The following ATP11B variants were observed in gnomAD, a reference collection of about 807,000 sequenced individuals.
The protein encoded by ATP11B is ATPase phospholipid transporting 11B (putative).
Under a neutral mutation model 157.8 loss-of-function variants are expected in ATP11B, and 81 were observed. The ratio of observed to expected loss-of-function variants is 0.51; its 90% confidence interval spans 0.43 to 0.62. The LOEUF is 0.62. Among genes scored for constraint, ATP11B ranks in the 20% least tolerant of loss-of-function variants. The pLI is 0.00. For synonymous variants in ATP11B, 451 were observed against 469.4 expected (o/e 0.96, Z 0.51); for missense variants, 1,165 against 1,402.2 (o/e 0.83, Z 2.70).
chr3:182,838,093 G>T (rs1206093705), intron 7 of ATP11B, among the ~76,000 whole-genome samples: 1 of 151,886 alleles, frequency 6.6e-6, no homozygotes, highest in Non-Finnish European at 1.5e-5. Context: ...CCAAACTTAC[G>T]TATCTTTTTT....
intron 19 of ATP11B, among the ~76,000 whole-genome samples, chr3:182,876,230 A>G (rs1722030836): frequency 1.3e-5 from 2 of 152,312 alleles, no homozygotes; most frequent in South Asian, 4.1e-4. Context: ...TTTAAAAAAT[A>G]TTTTTCTGAT....
At chr3:182,794,055 C>T (rs556285723) in intron 1 of ATP11B, among the ~76,000 whole-genome samples, 4 of 152,324 alleles carry the variant, frequency 2.6e-5, no homozygotes, top group South Asian at 2.1e-4. Flanking sequence ...TACTTCTTCC[C>T]CCTTGCCGCT....
chr3:182,857,399 G>A (rs568350130), intron 10 of ATP11B, among the ~76,000 whole-genome samples: 68 of 152,078 alleles, frequency 4.5e-4, no homozygotes, highest in African/African-American at 1.5e-3. Flanking sequence ...CACCCGCCTC[G>A]GTCTCCCAAA....
intron 28 of ATP11B, among the ~76,000 whole-genome samples, chr3:182,913,191 C>T (rs9864283): frequency 6.6e-6 from 1 of 152,120 alleles, no homozygotes. Flanking sequence ...CTAACTGTTA[C>T]AAAGCAGGAT....
rs1725358557 is a variant in ATP11B at position 182,919,865 on chromosome 3, C to T, written c.*1761C>T. The T allele has an allele frequency of 6.6e-6, 1 of 152,092 alleles. No individual in the cohort carries two copies. The highest frequency in any genetic ancestry group is 1.5e-5 in the Non-Finnish European group (1 of 68,024). 9.4% of individuals were successfully genotyped at this position (152,092 alleles called of 1,614,324 possible). On this transcript the variant is annotated 3_prime_UTR_variant, in exon 30 of 30. Coordinates refer to ENST00000323116, the MANE Select transcript of ATP11B (RefSeq NM_014616.3). ...CTTCTTTAACTTAGATATTTCATAG[C>T]TGGATTTAGGAAGATCTGTTATTCT... is the stretch of plus-strand genomic sequence containing the variant.
At chr3:182,862,727 A>G (rs1560095580) in intron 12 of ATP11B, among the ~76,000 whole-genome samples, 4 of 151,938 alleles carry the variant, frequency 2.6e-5, no homozygotes. Flanking sequence ...TACATCAGTT[A>G]CCACTCATTC....
At position 182,867,458 on chromosome 3, in the gene ATP11B, A is replaced by C. The variant is rs758505468; in HGVS notation, c.1688+14A>C. 2 of 1,538,100 alleles carry C rather than the reference A, an allele frequency of 1.3e-6. No individual in the cohort carries two copies. Among genetic ancestry groups the C allele is most frequent in the South Asian group, 2.2e-5 (2 of 89,452 alleles). On this transcript the variant is annotated intron_variant, in intron 15 of 29. Coordinates refer to ENST00000323116, the MANE Select transcript of ATP11B (RefSeq NM_014616.3). ...AAAACTGGAACGGTAATTTTTTTTC[A>C]TATATTGGAATGTTTTCTGTGTTAA... is the stretch of plus-strand genomic sequence containing the variant.
chr3:182,820,997 G>A (rs902493986), intron 2 of ATP11B, among the ~76,000 whole-genome samples: 7 of 152,138 alleles, frequency 4.6e-5, no homozygotes, highest in African/African-American at 1.4e-4. Context: ...ATTTTACAAA[G>A]CAGTGTTATA....
At chr3:182,893,421 A>G (rs932445066) in intron 25 of ATP11B, among the ~76,000 whole-genome samples, 13 of 152,032 alleles carry the variant, frequency 8.6e-5, no homozygotes, top group African/African-American at 1.2e-4. Context: ...GCTTCCACTT[A>G]TGAGTGAGAA....
At chr3:182,810,376 G>T (rs191954025) in intron 1 of ATP11B, among the ~76,000 whole-genome samples, 2 of 152,164 alleles carry the variant, frequency 1.3e-5, no homozygotes, top group Non-Finnish European at 2.9e-5. Flanking sequence ...GTGTGATCCA[G>T]TGATGCTAAG....
chr3:182,818,927 A>G (rs1717137694), intron 1 of ATP11B, among the ~76,000 whole-genome samples: 3 of 151,108 alleles, frequency 2.0e-5, no homozygotes, highest in Middle Eastern at 3.4e-3. Context: ...AAAAAAAAAA[A>G]AAAAGAAAAA....
chr3:182,877,296 A>G (rs763504520), intron 19 of ATP11B, among the ~76,000 whole-genome samples: 2 of 152,132 alleles, frequency 1.3e-5, no homozygotes, highest in Non-Finnish European at 2.9e-5. Context: ...GTGGGGCGAA[A>G]TGTTCACTGG....
At chr3:182,869,015 T>C (rs950681528) in intron 15 of ATP11B, 63 bp from the exon 16 acceptor site, 80 of 1,011,490 alleles carry the variant, frequency 7.9e-5, no homozygotes, top group Non-Finnish European at 1.2e-5. Context: ...TATTTCCATA[T>C]AGTCACTTAA....
intron 1 of ATP11B, among the ~76,000 whole-genome samples, chr3:182,794,895 G>A (rs1042993745): frequency 3.3e-5 from 5 of 152,170 alleles, no homozygotes; most frequent in African/African-American, 1.2e-4. Context: ...TAGTGAAACA[G>A]GAACTATTTT....
chr3:182,801,352 T>C (rs1715999870), intron 1 of ATP11B, among the ~76,000 whole-genome samples: 1 of 152,194 alleles, frequency 6.6e-6, no homozygotes. Flanking sequence ...TTCACGTACA[T>C]TTTGGAAAAG....
intron 1 of ATP11B, among the ~76,000 whole-genome samples, chr3:182,816,696 G>A (rs935483582): frequency 2.0e-5 from 3 of 152,182 alleles, no homozygotes; most frequent in Non-Finnish European, 4.4e-5. Context: ...AAGATTTTAA[G>A]TTAAGTACTT....
chr3:182,816,868 G>A (rs913785054), intron 1 of ATP11B, among the ~76,000 whole-genome samples: 5 of 152,076 alleles, frequency 3.3e-5, no homozygotes, highest in Non-Finnish European at 7.4e-5. Context: ...GGATAGTTTT[G>A]TTCTTTTATT....
intron 25 of ATP11B, among the ~76,000 whole-genome samples, chr3:182,892,850 T>C (rs1201539253): frequency 6.6e-6 from 1 of 152,202 alleles, no homozygotes; most frequent in East Asian, 1.9e-4. Flanking sequence ...GGTACATCTT[T>C]ACCTTCAGAG....
intron 1 of ATP11B, among the ~76,000 whole-genome samples, chr3:182,798,153 T>A (rs1715748876): frequency 6.6e-6 from 1 of 152,202 alleles, no homozygotes; most frequent in South Asian, 2.1e-4. Flanking sequence ...AGTGAGCTCC[T>A]GTTTTTACAG....
Sources: gnomAD v4.1 joint callset for allele counts (sites outside exome capture counted in the v4.1 genomes callset) on GRCh38, gnomAD v4.1.1 for gene constraint, MANE v1.5 for transcripts, NCBI Gene and HGNC (gene_info 2026-07-23, HGNC 2026-07-21) for gene names.